ANK3: variants seen among roughly 807,000 people sequenced by gnomAD.
The protein encoded by ANK3 is ankyrin-3.
ANK3 carries 57 observed loss-of-function variants against 370.9 expected under a neutral mutation model. That is an observed-to-expected ratio of 0.15 (90% CI 0.12 to 0.19). The LOEUF (loss-of-function observed/expected upper bound fraction) is 0.19, where lower values mean the gene tolerates loss of function less well. Ranked by LOEUF, ANK3 falls within the 10% of genes least tolerant of loss-of-function variation. ANK3 has a pLI of 1.00. For missense variants in ANK3, 4,439 were observed against 5,302.1 expected, an observed-to-expected ratio of 0.84 and a Z score of 5.06; for synonymous variants, 1,929 against 1,946.3, an observed-to-expected ratio of 0.99 and a Z score of 0.23.
chr10:60,122,510 T>C (rs2093544141), intron 25 of ANK3, among the ~76,000 whole-genome samples: 1 of 152,244 alleles, frequency 6.6e-6, no homozygotes, highest in Non-Finnish European at 1.5e-5. Flanking sequence ...TTTCCTTATC[T>C]TTACTTATTG....
intron 2 of ANK3, among the ~76,000 whole-genome samples, chr10:60,395,634 C>CGT (rs1567004895): frequency 4.3e-4 from 62 of 143,504 alleles, no homozygotes; most frequent in East Asian, 4.1e-3. Context: ...CTCTCTCTCT[C>CGT]TCTCTCTCTC....
chr10:60,716,568 T>C (rs982384372), intron 1 of ANK3, among the ~76,000 whole-genome samples: 1 of 152,096 alleles, frequency 6.6e-6, no homozygotes, highest in African/African-American at 2.4e-5. Flanking sequence ...GGCTGGAGTG[T>C]AGTGGCACAT....
intron 8 of ANK3, among the ~76,000 whole-genome samples, chr10:60,218,443 T>C (rs1296808655): frequency 3.9e-5 from 6 of 152,202 alleles, no homozygotes; most frequent in African/African-American, 1.2e-4. Context: ...CCATATTTAG[T>C]ACTTCCTTCA....
intron 2 of ANK3, among the ~76,000 whole-genome samples, chr10:60,563,566 C>T (rs775323535): frequency 1.6e-4 from 25 of 152,144 alleles, no homozygotes; most frequent in Non-Finnish European, 3.2e-4. Flanking sequence ...TATGAATACT[C>T]ACACTAAGTA....
intron 2 of ANK3, among the ~76,000 whole-genome samples, chr10:60,470,015 A>G (rs2065177327): frequency 6.6e-6 from 1 of 152,014 alleles, no homozygotes; most frequent in Admixed American, 6.6e-5. Flanking sequence ...AGACTTAGTG[A>G]TAGAGAAAAC....
chr10:60,431,426 C>T (rs968865843), intron 2 of ANK3, among the ~76,000 whole-genome samples: 5 of 152,202 alleles, frequency 3.3e-5, no homozygotes, highest in African/African-American at 1.2e-4. Flanking sequence ...GCTGTAAATA[C>T]AGATGAAGTT....
intron 25 of ANK3, among the ~76,000 whole-genome samples, chr10:60,121,701 A>C (rs2093486624): frequency 1.3e-5 from 2 of 152,050 alleles, no homozygotes; most frequent in Non-Finnish European, 2.9e-5. Context: ...AAAAAAAAAA[A>C]AAAAAGTATA....
chr10:60,665,891 T>C (rs1319939947), intron 1 of ANK3, among the ~76,000 whole-genome samples: 4 of 152,178 alleles, frequency 2.6e-5, no homozygotes, highest in Admixed American at 2.6e-4. Context: ...GGATCACTAC[T>C]GGAAATAAAC....
At chr10:60,332,334 G>T (rs911019291) in intron 1 of ANK3, among the ~76,000 whole-genome samples, 8 of 152,180 alleles carry the variant, frequency 5.3e-5, no homozygotes, top group African/African-American at 1.9e-4. Flanking sequence ...AATGTGTCAA[G>T]AAAATAGGAC....
intron 23 of ANK3, among the ~76,000 whole-genome samples, chr10:60,160,019 G>A (rs1321201242): frequency 1.3e-5 from 2 of 151,720 alleles, no homozygotes; most frequent in Non-Finnish European, 2.9e-5. Context: ...AATTAGAAAA[G>A]CAAAAGTAAG....
intron 38 of ANK3, 69 bp downstream of exon 38, chr10:60,067,866 G>C: frequency 7.8e-7 from 1 of 1,280,828 alleles, no homozygotes. Flanking sequence ...TATATATATT[G>C]AACTGCTTGT....
chr10:60,486,077 C>T (rs1246990762), intron 2 of ANK3, among the ~76,000 whole-genome samples: 1 of 152,106 alleles, frequency 6.6e-6, no homozygotes, highest in African/African-American at 2.4e-5. Flanking sequence ...GGCTGATGCT[C>T]CAGTTTTACC....
intron 1 of ANK3, among the ~76,000 whole-genome samples, chr10:60,310,370 C>G (rs1392149585): frequency 1.3e-5 from 2 of 152,086 alleles, no homozygotes; most frequent in African/African-American, 2.4e-5. Context: ...AGATCTTCAT[C>G]CACAAATAAA....
chr10:60,318,892 T>G (rs573850758), intron 1 of ANK3, among the ~76,000 whole-genome samples: 3 of 152,212 alleles, frequency 2.0e-5, no homozygotes, highest in Admixed American at 6.5e-5. Context: ...CTTTCCTGAA[T>G]CTAAGAAACA....
chr10:60,398,291 C>T (rs1203553480), intron 2 of ANK3, among the ~76,000 whole-genome samples: 1 of 152,118 alleles, frequency 6.6e-6, no homozygotes, highest in East Asian at 1.9e-4. Flanking sequence ...CAAAATAAGG[C>T]TGGATGTGGC....
chr10:60,200,056 A>G (rs2096649103), intron 13 of ANK3, 73 bp downstream of exon 13: 2 of 1,144,034 alleles, frequency 1.7e-6, no homozygotes, highest in South Asian at 2.6e-5. Context: ...GACTGCATGT[A>G]TATACTTAAA....
intron 42 of ANK3, among the ~76,000 whole-genome samples, chr10:60,045,393 T>C (rs558252209): frequency 6.6e-6 from 1 of 152,206 alleles, no homozygotes; most frequent in African/African-American, 2.4e-5. Flanking sequence ...GACAGCTTGG[T>C]GGATTTAGAT....
At chr10:60,225,871 A>G (rs1217076984) in intron 8 of ANK3, among the ~76,000 whole-genome samples, 2 of 151,176 alleles carry the variant, frequency 1.3e-5, no homozygotes, top group Non-Finnish European at 2.9e-5. Context: ...TTGAAACATT[A>G]TATATATCAT....
Position 60,075,477 on chromosome 10 carries a change from T to C in ANK3, c.5404A>G (p.Thr1802Ala). Residue 1802 changes from threonine (T) to alanine (A), a missense_variant, in exon 37 of 44, where the codon ACA becomes GCA. Physicochemically the swap from Thr to Ala is moderately conservative, Grantham distance 58 (BLOSUM62 0). Coordinates refer to ENST00000280772, the MANE Select transcript of ANK3 (RefSeq NM_020987.5). ...GCAGATATTGACGACCCAAGGGATG[T>C]ATAGAGTGCACTTGCGGAAGGAGTT... ...LRTPSASALY[T>A]SLGSSISATT... 1.2e-6 allele frequency: 2 copies of C among 1,612,872 alleles called. No homozygotes were observed. The highest frequency in any genetic ancestry group is 1.7e-6 in the Non-Finnish European group (2 of 1,179,986).
Sources: gnomAD v4.1 joint callset for allele counts (sites outside exome capture counted in the v4.1 genomes callset) on GRCh38, gnomAD v4.1.1 for gene constraint, MANE v1.5 for transcripts, NCBI Gene and HGNC (gene_info 2026-07-23, HGNC 2026-07-21) for gene names.